Variants in IFIT1 observed in about 807,000 individuals in gnomAD.
IFIT1 encodes interferon induced protein with tetratricopeptide repeats 1.
IFIT1 carries 1 observed loss-of-function variant against 2.5 expected under a neutral mutation model. That is an observed-to-expected ratio of 0.40 (90% CI 0.14 to 1.92). The LOEUF (loss-of-function observed/expected upper bound fraction) is 1.92, where lower values mean the gene tolerates loss of function less well. Ranked by LOEUF, IFIT1 falls within the 40% of genes most tolerant of loss-of-function variation. The pLI is 0.31. For synonymous variants in IFIT1, 191 were observed against 201.7 expected, an observed-to-expected ratio of 0.95 and a Z score of 0.45; for missense variants, 508 against 557.8, an observed-to-expected ratio of 0.91 and a Z score of 0.90.
At chr10:89,392,795 T>C (rs990275561) in intron 1 of IFIT1, 78 bp downstream of exon 1, 34 of 1,450,294 alleles carry the variant, frequency 2.3e-5, no homozygotes, top group Non-Finnish European at 3.2e-5. Flanking sequence ...TTCAACAGGT[T>C]AGATCTCAGT....
rs1467172186 is a variant in IFIT1 at position 89,402,646 on chromosome 10, T to C, written c.371T>C (p.Ile124Thr). ...ACTTACCTGGACAAGGTGGAGAACA[T>C]TTGCAAGAAGCTTTCAAATCCCTTC... ...AQTYLDKVEN[I>T]CKKLSNPFRY... Residue 124 changes from isoleucine to threonine, a missense_variant, in exon 2 of 2, where the codon ATT becomes ACT. By Grantham distance (89) the Ile-to-Thr change is moderately conservative. Transcript: ENST00000371804. 30 of 1,614,038 alleles carry C rather than the reference T, an allele frequency of 1.9e-5. No homozygotes were observed. The highest frequency in any genetic ancestry group is 2.5e-5 in the Non-Finnish European group (30 of 1,180,032).
intron 1 of IFIT1, among the ~76,000 whole-genome samples, chr10:89,399,257 C>T (rs2133623895): frequency 1.3e-5 from 2 of 152,194 alleles, no homozygotes; most frequent in African/African-American, 4.8e-5. Flanking sequence ...GGTTCTTTAT[C>T]TATTCTGTAT....
In IFIT1 at chr10:89,401,330, C is replaced by A. The variant is rs184625680; in HGVS notation, c.6-951C>A. On this transcript the variant is annotated intron_variant, in intron 1 of 1. Coordinates refer to ENST00000371804, the MANE Select transcript of IFIT1 (RefSeq NM_001548.5). ...AGAGACAGGATTTCACCATGTTGGT[C>A]AGCTGGTCTCAAACTCCTGACCTCA... Among the ~76,000 whole-genome samples the A allele has an allele frequency of 1.3e-4, 20 of 152,024 alleles. No homozygotes were observed. In the East Asian group the frequency reaches 3.9e-3, roughly 29 times the overall value.
chr10:89,404,415 TAGAA>T lies in IFIT1; in HGVS notation c.*706_*709del, dbSNP rs1242326299. On this transcript the variant is annotated 3_prime_UTR_variant, in exon 2 of 2. Coordinates refer to ENST00000371804, the MANE Select transcript of IFIT1 (RefSeq NM_001548.5). ...ATGTCCTTTGTTTCACCTTTTGATA[TAGAA>T]AGGCTAATTTTGCTGTATTTTAATG... 1.3e-5 allele frequency: 2 copies of T among 152,198 alleles called. No individual in the cohort carries two copies. Among genetic ancestry groups the T allele is most frequent in the Non-Finnish European group, 1.5e-5 (1 of 68,062 alleles). 9.4% of individuals were successfully genotyped at this position (152,198 alleles called of 1,614,324 possible).
chr10:89,403,676 T>C lies in IFIT1; in HGVS notation c.1401T>C (p.Ala467=), dbSNP rs930690399. 8 of 1,602,592 alleles carry C rather than the reference T, an allele frequency of 5.0e-6. No individual in the cohort carries two copies. The highest frequency in any genetic ancestry group is 6.8e-6 in the Non-Finnish European group (8 of 1,176,586). Residue 467 remains alanine (A), a synonymous_variant, in exon 2 of 2, where the codon GCT becomes GCC. Transcript: ENST00000371804. Reference sequence around the variant, plus strand: ...ACTATGAGCGGGCCCTGAGACTGGCTGCTGACTTTGAGAACTCTGTGAGAC... The same window carrying C: ...ACTATGAGCGGGCCCTGAGACTGGCCGCTGACTTTGAGAACTCTGTGAGAC... ...LEYYERALRL[A]ADFENSVRQG...
chr10:89,394,649 T>A, intron 1 of IFIT1, among the ~76,000 whole-genome samples: 2 of 144,976 alleles, frequency 1.4e-5, no homozygotes, highest in East Asian at 3.9e-4. Context: ...TTTATTCAGG[T>A]TAGCAATGTG....
At position 89,393,686 on chromosome 10, in the gene IFIT1, T is replaced by C. The variant is rs1844291764; in HGVS notation, c.5+969T>C. Among the ~76,000 whole-genome samples the C allele has an allele frequency of 3.3e-5, 5 of 152,174 alleles. No individual in the cohort carries two copies. The South Asian group carries it at 1.0e-3, about 31-fold the overall frequency. On this transcript the variant is annotated intron_variant, in intron 1 of 1. Transcript: ENST00000371804. ...CGTAAGTTGCAGTGAGCTGAGATTG[T>C]ACCACTGCACTCCAGCCTGGGCAAC...
In IFIT1 at chr10:89,393,341, G is replaced by C. The variant is rs572792846; in HGVS notation, c.5+624G>C. 5.3e-5 allele frequency: 67 copies of C among 1,265,010 alleles called. No homozygotes were observed. In the African/African-American group the frequency reaches 9.0e-4, roughly 17 times the overall value. 78.4% of individuals were successfully genotyped at this position (1,265,010 alleles called of 1,614,324 possible). On this transcript the variant is annotated intron_variant, in intron 1 of 1. Coordinates refer to ENST00000371804, the MANE Select transcript of IFIT1 (RefSeq NM_001548.5). ...TCCTCCCTGGAAAATCTAGGCTCTTGGTACGTCCTTGACTGAAGATGATCC... is the reference window on the plus strand; with the variant it reads ...TCCTCCCTGGAAAATCTAGGCTCTTCGTACGTCCTTGACTGAAGATGATCC...
rs924548286 is a variant in IFIT1, at chr10:89,402,810, G to A, written c.535G>A (p.Ala179Thr). 2 of 1,614,234 alleles carry A rather than the reference G, an allele frequency of 1.2e-6. No homozygotes were observed. Among genetic ancestry groups the A allele is most frequent in the Middle Eastern group, 1.7e-4 (1 of 6,060 alleles). The change falls in exon 2 of 2, where the codon GCT becomes ACT. Residue 179 changes from alanine to threonine, a missense_variant. By Grantham distance (58) the Ala-to-Thr change is moderately conservative. Transcript: ENST00000371804. ...GGACCCTGAAAACCCTGAATCCAGC[G>A]CTGGGTATGCGATCTCTGCCTATCG... ...EVDPENPESS[A>T]GYAISAYRLD...
Position 89,403,043 on chromosome 10 carries a change from T to A in IFIT1, c.768T>A (p.Tyr256Ter), listed in dbSNP as rs1453545786. 1.9e-6 allele frequency: 3 copies of A among 1,614,140 alleles called. No homozygotes were observed. Among genetic ancestry groups the A allele is most frequent in the Non-Finnish European group, 2.5e-6 (3 of 1,180,048 alleles). Residue 256 changes from tyrosine (Y) to a stop codon, truncating the protein, a stop_gained, in exon 2 of 2, where the codon TAT (tyrosine) becomes TAA (stop). Transcript: ENST00000371804. LOFTEE classifies it low-confidence loss of function (END_TRUNC). ...CCTCACAGACCTATGTCTTTCGATA[T>A]GCAGCCAAGTTTTACCGAAGAAAAG... The part of the protein sequence containing the change: ...NMSSQTYVFR[Y>*]AAKFYRRKGS...
intron 1 of IFIT1, chr10:89,393,016 A>G (rs1248930896): frequency 2.6e-6 from 2 of 781,504 alleles, no homozygotes; most frequent in African/African-American, 3.5e-5. Flanking sequence ...AATGATCCCA[A>G]TCTGAGAGAT....
rs1356176965 is a variant in IFIT1, at chr10:89,403,112, G to A, written c.837G>A (p.Gln279=). 3 of 1,614,168 alleles carry A rather than the reference G, an allele frequency of 1.9e-6. No homozygotes were observed. The African/African-American group carries it at 4.0e-5, about 22-fold the overall frequency. The change falls in exon 2 of 2, where the codon CAG becomes CAA. Residue 279 remains glutamine, a synonymous_variant. Transcript: ENST00000371804. ...KALELLKKAL[Q]ETPTSVLLHH... is the part of the protein sequence containing the mutation. ...TTGAGTTATTAAAAAAGGCCTTGCA[G>A]GAAACACCCACTTCTGTCTTACTGC...
chr10:89,395,487 C>A (rs961377424), intron 1 of IFIT1, among the ~76,000 whole-genome samples: 1 of 152,010 alleles, frequency 6.6e-6, no homozygotes, highest in Non-Finnish European at 1.5e-5. Flanking sequence ...CTATTTTTTT[C>A]AATTGCCTCC....
At chr10:89,394,139 C>A (rs115116259) in intron 1 of IFIT1, among the ~76,000 whole-genome samples, 2,958 of 138,006 alleles carry the variant, frequency 0.021, 43 homozygotes, top group African/African-American at 0.041. Flanking sequence ...TAGCCTACTA[C>A]ACACCTAGGC....
intron 1 of IFIT1, among the ~76,000 whole-genome samples, chr10:89,398,730 A>G (rs1172546874): frequency 6.6e-6 from 1 of 152,200 alleles, no homozygotes; most frequent in South Asian, 2.1e-4. Flanking sequence ...TTAAGGCTGA[A>G]TATTCCATTG....
At chr10:89,400,744 G>A (rs1384262229) in intron 1 of IFIT1, among the ~76,000 whole-genome samples, 1 of 152,172 alleles carries the variant, frequency 6.6e-6, no homozygotes, top group Admixed American at 6.5e-5. Flanking sequence ...CAACTTGGAT[G>A]TCTTGTATTT....
At chr10:89,397,776 C>T (rs1564808764) in intron 1 of IFIT1, among the ~76,000 whole-genome samples, 1 of 152,128 alleles carries the variant, frequency 6.6e-6, no homozygotes, top group African/African-American at 2.4e-5. Context: ...TACCAATTTA[C>T]AAAAACACTT....
At chr10:89,400,041 C>T (rs1299716527) in intron 1 of IFIT1, among the ~76,000 whole-genome samples, 1 of 152,188 alleles carries the variant, frequency 6.6e-6, no homozygotes, top group Non-Finnish European at 1.5e-5. Context: ...GACACCCACT[C>T]TGTTATATTG....
In IFIT1 at chr10:89,404,255, G is replaced by A. The variant is rs761262077; in HGVS notation, c.*543G>A. ...GCTGACTTCACCTAGCTCACTCCAC[G>A]TAGCGCCACAGCCAGACTCCCCTCC... On this transcript the variant is annotated 3_prime_UTR_variant, in exon 2 of 2. Transcript: ENST00000371804. 6.6e-6 allele frequency: 1 copy of A among 152,492 alleles called. No individual in the cohort carries two copies. Among genetic ancestry groups the A allele is most frequent in the Non-Finnish European group, 1.5e-5 (1 of 68,298 alleles). The allele number at this position is 152,492 out of a possible 1,614,324, so 9.4% of individuals were successfully genotyped here.
Sources: gnomAD v4.1 joint callset for allele counts (sites outside exome capture counted in the v4.1 genomes callset) on GRCh38, gnomAD v4.1.1 for gene constraint, MANE v1.5 for transcripts, NCBI Gene and HGNC (gene_info 2026-07-23, HGNC 2026-07-21) for gene names.